HPCAL1: variants seen among roughly 807,000 people sequenced by gnomAD.
HPCAL1 encodes hippocalcin like 1, also known as hippocalcin-like protein 1.
In HPCAL1, 8 loss-of-function variants were observed where a neutral mutation model predicts 17.1. That is an observed-to-expected ratio of 0.47 (90% confidence interval 0.27 to 0.84). HPCAL1 has a LOEUF of 0.84. Ranked by LOEUF, HPCAL1 falls within the 40% of genes least tolerant of loss-of-function variation. HPCAL1 has a pLI of 0.13. For synonymous variants in HPCAL1, 112 were observed against 111.4 expected, an observed-to-expected ratio of 1.01 and a Z score of -0.03; for missense variants, 165 against 271.1, an observed-to-expected ratio of 0.61 and a Z score of 2.75.
chr2:10,350,319 CTT>C lies in HPCAL1; in HGVS notation c.-110-46499_-110-46498del, dbSNP rs34432791. 4.3e-3 allele frequency among the ~76,000 whole-genome samples: 565 copies of C among 130,136 alleles called. 4 individuals are homozygous for C. Among genetic ancestry groups the C allele is most frequent in the African/African-American group, 0.011 (392 of 34,344 alleles). 85.4% of individuals were successfully genotyped at this position (130,136 alleles called of 152,430 possible). A position where few individuals can be genotyped will look rare whatever the true frequency, so the allele number is the denominator to read the frequency against. On this transcript the variant is annotated intron_variant, in intron 1 of 4. Coordinates refer to ENST00000307845, the MANE Select transcript of HPCAL1 (RefSeq NM_002149.4). ...TTCTGGCCTTTTAAAAATCTATGTC[CTT>C]TTTTTTTTTTTTTTTTGAGGCAGGG...
rs1558517627 is a variant in HPCAL1, at chr2:10,399,259, CCAT to C, written c.-25+2342_-25+2344del. Among the ~76,000 whole-genome samples, 110 of 66,908 alleles carry C rather than the reference CCAT, an allele frequency of 1.6e-3. 1 individual carries two copies. Among genetic ancestry groups the C allele is most frequent in the East Asian group, 2.2e-3 (6 of 2,788 alleles). 43.9% of individuals were successfully genotyped at this position (66,908 alleles called of 152,430 possible). A position where few individuals can be genotyped will look rare whatever the true frequency, so the allele number is the denominator to read the frequency against. On this transcript the variant is annotated intron_variant, in intron 2 of 4. Transcript: ENST00000307845. ...ACCACCATCACCACCACCACCACCA[CCAT>C]CACCACCACCACCACCATCACCACC...
intron 1 of HPCAL1, among the ~76,000 whole-genome samples, chr2:10,329,246 G>A (rs538654624): frequency 2.6e-5 from 4 of 152,290 alleles, no homozygotes; most frequent in Admixed American, 1.3e-4. Context: ...GCTCACATCC[G>A]AATCCCTGGG....
In HPCAL1 at chr2:10,368,234, C is replaced by CAT. The variant is rs572004656; in HGVS notation, c.-110-28600_-110-28599dup. ...AGGGGTGTGCGTGTGTACACATATG[C>CAT]ATGTGTGTGTGTGCATTGTGTGTAG... is the stretch of plus-strand genomic sequence containing the variant. On this transcript the variant is annotated intron_variant, in intron 1 of 4. Coordinates refer to ENST00000307845, the MANE Select transcript of HPCAL1 (RefSeq NM_002149.4). 1.5e-3 allele frequency among the ~76,000 whole-genome samples: 191 copies of CAT among 129,632 alleles called. 5 individuals carry two copies. The East Asian group carries it at 0.017, about 11-fold the overall frequency. 85.0% of individuals were successfully genotyped at this position (129,632 alleles called of 152,430 possible). A position where few individuals can be genotyped will look rare whatever the true frequency, so the allele number is the denominator to read the frequency against.
At chr2:10,378,801 A>G (rs1320722976) in intron 1 of HPCAL1, among the ~76,000 whole-genome samples, 1 of 152,172 alleles carries the variant, frequency 6.6e-6, no homozygotes, top group African/African-American at 2.4e-5. Flanking sequence ...TGAGCTGGTT[A>G]TAGATGTTAA....
At chr2:10,353,796 G>A (rs1467659998) in intron 1 of HPCAL1, among the ~76,000 whole-genome samples, 1 of 152,068 alleles carries the variant, frequency 6.6e-6, no homozygotes, top group Admixed American at 6.6e-5. Context: ...TTGAACTCTT[G>A]GACAATCTTC....
intron 1 of HPCAL1, among the ~76,000 whole-genome samples, chr2:10,341,635 A>G (rs184047022): frequency 1.1e-3 from 164 of 151,740 alleles, no homozygotes; most frequent in African/African-American, 3.6e-3. Flanking sequence ...AAACCTAAAC[A>G]CGAGCCGTGG....
At chr2:10,412,051 G>GT (rs1454366630) in intron 2 of HPCAL1, among the ~76,000 whole-genome samples, 1 of 152,230 alleles carries the variant, frequency 6.6e-6, no homozygotes, top group Non-Finnish European at 1.5e-5. Flanking sequence ...GCTAATTGCT[G>GT]TAAGAAGCAA....
intron 1 of HPCAL1, among the ~76,000 whole-genome samples, chr2:10,366,720 TCC>T (rs781411329): frequency 7.8e-4 from 119 of 152,238 alleles, no homozygotes; most frequent in Non-Finnish European, 1.4e-3. Flanking sequence ...CTGCCCCGGC[TCC>T]CCAGCCCCGG....
intron 1 of HPCAL1, among the ~76,000 whole-genome samples, chr2:10,326,794 T>G (rs780007485): frequency 1.7e-4 from 26 of 152,144 alleles, no homozygotes; most frequent in African/African-American, 6.0e-4. Flanking sequence ...CCCTTCTCCC[T>G]CCCTGTGCAT....
chr2:10,381,486 C>T lies in HPCAL1; in HGVS notation c.-110-15349C>T, dbSNP rs151225014. 4.3e-4 allele frequency among the ~76,000 whole-genome samples: 65 copies of T among 152,250 alleles called. No homozygotes were observed. In the East Asian group the frequency reaches 6.4e-3, roughly 15 times the overall value. Reference sequence around the variant, plus strand: ...TGTTCGTGTTCCAGTGTAGACAGGGCGTTGTCACATCAGGCAGGACTACAG... The same window carrying T: ...TGTTCGTGTTCCAGTGTAGACAGGGTGTTGTCACATCAGGCAGGACTACAG... On this transcript the variant is annotated intron_variant, in intron 1 of 4. Coordinates refer to ENST00000307845, the MANE Select transcript of HPCAL1 (RefSeq NM_002149.4).
intron 1 of HPCAL1, among the ~76,000 whole-genome samples, chr2:10,375,072 G>A (rs1308453294): frequency 1.3e-5 from 2 of 152,112 alleles, no homozygotes; most frequent in Non-Finnish European, 2.9e-5. Flanking sequence ...CTGCCTTTAG[G>A]GAAGAAATAC....
In HPCAL1 at chr2:10,363,171, C is replaced by G. The variant is rs769874816; in HGVS notation, c.-110-33664C>G. 6.6e-6 allele frequency among the ~76,000 whole-genome samples: 1 copy of G among 152,010 alleles called. No homozygotes were observed. Among genetic ancestry groups the G allele is most frequent in the Non-Finnish European group, 1.5e-5 (1 of 68,028 alleles). ...ATTCTCACTCTAACCCATGCTGTAT[C>G]TGATTTTTTTCCTGAGGTAGGCTTG... is the stretch of plus-strand genomic sequence containing the variant. On this transcript the variant is annotated intron_variant, in intron 1 of 4. Transcript: ENST00000307845. This position sits in a 1 kb window ranked among gnomAD's most constrained non-coding sequence, Gnocchi z 4.7.
At chr2:10,391,085 G>A (rs773782985) in intron 1 of HPCAL1, among the ~76,000 whole-genome samples, 2 of 152,230 alleles carry the variant, frequency 1.3e-5, no homozygotes, top group Non-Finnish European at 2.9e-5. Flanking sequence ...GCTTCTCAAA[G>A]GTGGGGACGC....
chr2:10,399,604 C>T lies in HPCAL1; in HGVS notation c.-25+2684C>T, dbSNP rs563900605. Among the ~76,000 whole-genome samples, 19 of 144,400 alleles carry T rather than the reference C, an allele frequency of 1.3e-4. 1 individual carries two copies. In the South Asian group the frequency reaches 4.3e-3, roughly 32 times the overall value. 94.7% of individuals were successfully genotyped at this position (144,400 alleles called of 152,430 possible). A position where few individuals can be genotyped will look rare whatever the true frequency, so the allele number is the denominator to read the frequency against. On this transcript the variant is annotated intron_variant, in intron 2 of 4. Transcript: ENST00000307845. ...GCCACCGCCACCGCCACCACCACCA[C>T]CACGAGTTGAGGGACTCTGGGATCA...
intron 1 of HPCAL1, among the ~76,000 whole-genome samples, chr2:10,318,630 G>A (rs568568281): frequency 6.6e-6 from 1 of 152,324 alleles, no homozygotes; most frequent in East Asian, 1.9e-4. Flanking sequence ...CGGTTTTCTA[G>A]TGGCAAAGGA....
intron 3 of HPCAL1, 74 bp downstream of exon 3, chr2:10,420,209 CTTTTTTTT>C (rs369044166): frequency 3.0e-5 from 17 of 572,010 alleles, no homozygotes; most frequent in Non-Finnish European, 4.2e-5. Context: ...CAGCCCAGGG[CTTTTTTTT>C]TTTTTTTTTT....
intron 2 of HPCAL1, among the ~76,000 whole-genome samples, chr2:10,397,816 C>T (rs540172514): frequency 1.3e-4 from 20 of 152,276 alleles, no homozygotes; most frequent in African/African-American, 4.3e-4. Context: ...GCCCTTCCAG[C>T]GTTGAGGGTT....
intron 1 of HPCAL1, among the ~76,000 whole-genome samples, chr2:10,364,665 G>A (rs1666737918): frequency 6.6e-6 from 1 of 151,488 alleles, no homozygotes; most frequent in African/African-American, 2.4e-5. Context: ...GCTCACTGTA[G>A]CCTCGACCTC....
At chr2:10,334,403 G>C (rs1466959492) in intron 1 of HPCAL1, among the ~76,000 whole-genome samples, 1 of 152,152 alleles carries the variant, frequency 6.6e-6, no homozygotes, top group African/African-American at 2.4e-5. Flanking sequence ...AGCTCTTCAG[G>C]AGGCTGAGGT....
Sources: allele counts gnomAD v4.1 joint callset (sites outside exome capture counted in the v4.1 genomes callset), GRCh38; gene constraint gnomAD v4.1.1; non-coding constraint Gnocchi (gnomAD v3.1); transcripts MANE v1.5; gene names NCBI Gene and HGNC (gene_info 2026-07-23, HGNC 2026-07-21).